Variants in HEATR4 observed in about 807,000 individuals in gnomAD.
HEATR4 encodes the protein HEAT repeat-containing protein 4.
In HEATR4, 95 loss-of-function variants were observed where a neutral mutation model predicts 108.8. The ratio of observed to expected loss-of-function variants is 0.87; its 90% CI spans 0.74 to 1.04. The LOEUF (loss-of-function observed/expected upper bound fraction) is 1.04. Among genes scored for constraint, HEATR4 ranks in the 50% least tolerant of loss-of-function variants. The probability of loss-of-function intolerance (pLI) is 0.00; values close to 1 mark genes in which losing one functional copy is unlikely to be tolerated. For missense variants in HEATR4, 1,152 were observed against 1,253.8 expected (o/e 0.92, Z 1.23); for synonymous variants, 443 against 459.4 (o/e 0.96, Z 0.46).
At position 73,498,272 on chromosome 14, in the gene HEATR4, G is replaced by T; in HGVS notation, c.2429C>A (p.Ser810Ter). The change falls in exon 14 of 18, where the codon TCA becomes TAA. Residue 810 changes from serine (S) to a stop codon, truncating the protein, a stop_gained. Coordinates refer to ENST00000553558, the MANE Select transcript of HEATR4 (RefSeq NM_001220484.1). LOFTEE classifies it high-confidence loss of function. ...LLLWAIHYEE[S>*]PGVRLEACRS... Reference sequence around the variant, plus strand: ...GCAAGCTTCCAGCCGTACACCTGGTGACTCTTCATAGTGGATAGCCCAGAG... The same window carrying T: ...GCAAGCTTCCAGCCGTACACCTGGTTACTCTTCATAGTGGATAGCCCAGAG... 6.2e-7 allele frequency: 1 copy of T among 1,614,116 alleles called. No homozygotes were observed. The highest frequency in any genetic ancestry group is 8.5e-7 in the Non-Finnish European group (1 of 1,180,006).
intron 16 of HEATR4, among the ~76,000 whole-genome samples, chr14:73,494,041 C>T (rs907562441): frequency 6.6e-6 from 1 of 152,224 alleles, no homozygotes. Context: ...ATAAGGGCAG[C>T]ATGTCACCTA....
At chr14:73,547,125 G>A (rs1889245788) in intron 1 of HEATR4, among the ~76,000 whole-genome samples, 1 of 111,476 alleles carries the variant, frequency 9.0e-6, no homozygotes, top group African/African-American at 2.8e-5. Flanking sequence ...GCTTACGCCT[G>A]TAATCCCAGC....
the HEATR4 span, among the ~76,000 whole-genome samples, chr14:73,611,834 C>A: frequency 2.0e-5 from 3 of 152,174 alleles, no homozygotes; most frequent in East Asian, 5.8e-4. Context: ...GTACCATTAG[C>A]CCTGGAAAAA....
At chr14:73,600,726 C>G in the HEATR4 span, among the ~76,000 whole-genome samples, 4 of 152,094 alleles carry the variant, frequency 2.6e-5, no homozygotes, top group African/African-American at 4.8e-5. Flanking sequence ...GCTGGGATTA[C>G]AGGCATGAGC....
chr14:73,525,934 C>CA (rs1888303596), intron 2 of HEATR4, among the ~76,000 whole-genome samples: 1 of 138,994 alleles, frequency 7.2e-6, no homozygotes, highest in Non-Finnish European at 1.5e-5. Context: ...GCCTGGGTGA[C>CA]AGAGTGAGAC....
chr14:73,592,867 GAAAAAA>G, the HEATR4 span, among the ~76,000 whole-genome samples: 1 of 151,800 alleles, frequency 6.6e-6, no homozygotes, highest in Admixed American at 6.6e-5. Context: ...AAAGAAAAAA[GAAAAAA>G]AAGGATTTTT....
chr14:73,588,120 G>C, the HEATR4 span, among the ~76,000 whole-genome samples: 2 of 151,676 alleles, frequency 1.3e-5, no homozygotes, highest in African/African-American at 4.8e-5. Flanking sequence ...TCCTGCCTCA[G>C]CCTCTCCAGT....
In HEATR4 at chr14:73,531,769, C is replaced by G. The variant is rs1449004521; in HGVS notation, c.-151-1525G>C. On this transcript the variant is annotated intron_variant, in intron 1 of 17. Coordinates refer to ENST00000553558, the MANE Select transcript of HEATR4 (RefSeq NM_001220484.1). ...GGCGCAATGGCTGACACCTGTAATC[C>G]CAGCAACTTGGGAGGCTGAGGTGGC... is the stretch of plus-strand genomic sequence containing the variant. 8.0e-5 allele frequency among the ~76,000 whole-genome samples: 9 copies of G among 112,960 alleles called. 4 individuals are homozygous for G. The allele number at this position is 112,960 out of a possible 152,430, so 74.1% of individuals were successfully genotyped here.
intron 17 of HEATR4, among the ~76,000 whole-genome samples, chr14:73,479,297 A>G (rs1451852305): frequency 2.7e-5 from 4 of 150,430 alleles, no homozygotes; most frequent in African/African-American, 9.8e-5. Flanking sequence ...TTGTATTTTT[A>G]GTAGAGACGA....
the HEATR4 span, among the ~76,000 whole-genome samples, chr14:73,602,585 C>A: frequency 6.6e-6 from 1 of 152,184 alleles, no homozygotes; most frequent in Non-Finnish European, 1.5e-5. Flanking sequence ...CTGACTCCTT[C>A]TTCCAAACAT....
chr14:73,602,747 C>T, the HEATR4 span, among the ~76,000 whole-genome samples: 1 of 152,198 alleles, frequency 6.6e-6, no homozygotes, highest in Non-Finnish European at 1.5e-5. Context: ...ATATCATTCA[C>T]TAAAATATAA....
the HEATR4 span, among the ~76,000 whole-genome samples, chr14:73,579,243 C>T: frequency 3.3e-5 from 3 of 92,114 alleles, no homozygotes; most frequent in Admixed American, 3.1e-4. Context: ...GCAACAAGAA[C>T]GAAATTCCGT....
At chr14:73,517,982 A>G (rs1887729911) in intron 5 of HEATR4, among the ~76,000 whole-genome samples, 1 of 152,166 alleles carries the variant, frequency 6.6e-6, no homozygotes, top group East Asian at 1.9e-4. Context: ...GCTACTCGTG[A>G]GGCAGAGGCA....
chr14:73,620,216 G>A, the HEATR4 span, among the ~76,000 whole-genome samples: 2 of 152,122 alleles, frequency 1.3e-5, no homozygotes, highest in Non-Finnish European at 2.9e-5. Context: ...CACCCAGCCT[G>A]TGTTGGGTTT....
At chr14:73,490,567 C>T (rs1211455400) in intron 17 of HEATR4, among the ~76,000 whole-genome samples, 1 of 152,192 alleles carries the variant, frequency 6.6e-6, no homozygotes, top group Non-Finnish European at 1.5e-5. Context: ...GTGATCCGCC[C>T]GCCTCGGCCT....
At chr14:73,566,241 C>T in the HEATR4 span, among the ~76,000 whole-genome samples, 1 of 152,096 alleles carries the variant, frequency 6.6e-6, no homozygotes, top group Non-Finnish European at 1.5e-5. Context: ...CTCCAAGTTC[C>T]CACTAGACTC....
intron 17 of HEATR4, among the ~76,000 whole-genome samples, chr14:73,481,497 A>G (rs2140239394): frequency 6.6e-6 from 1 of 152,214 alleles, no homozygotes; most frequent in South Asian, 2.1e-4. Context: ...AAGGCAACAT[A>G]CTGTATAATT....
the HEATR4 span, among the ~76,000 whole-genome samples, chr14:73,566,943 A>G: frequency 6.6e-6 from 1 of 152,004 alleles, no homozygotes; most frequent in Non-Finnish European, 1.5e-5. Context: ...AGCTGGGACT[A>G]CAGGTGCCTG....
chr14:73,625,425 G>A, the HEATR4 span, among the ~76,000 whole-genome samples: 13 of 151,934 alleles, frequency 8.6e-5, no homozygotes, highest in Admixed American at 4.6e-4. Context: ...GCAGTGGCAC[G>A]ATCTCGACTC....
Sources: gnomAD v4.1 joint callset for allele counts (sites outside exome capture counted in the v4.1 genomes callset) on GRCh38, gnomAD v4.1.1 for gene constraint, MANE v1.5 for transcripts, NCBI Gene and HGNC (gene_info 2026-07-23, HGNC 2026-07-21) for gene names.